LINGO2: variants seen among roughly 807,000 people sequenced by gnomAD.
LINGO2 encodes leucine-rich repeat and immunoglobulin-like domain-containing nogo receptor-interacting protein 2.
Under a neutral mutation model 30.6 loss-of-function variants are expected in LINGO2, and 14 were observed. The observed-to-expected ratio is 0.46, with a 90% CI of 0.30 to 0.72. LINGO2 has a LOEUF of 0.72. Ranked by LOEUF, LINGO2 falls within the 30% of genes least tolerant of loss-of-function variation. LINGO2 has a pLI of 0.07. For missense variants in LINGO2, 729 were observed against 751.7 expected (o/e 0.97, Z 0.35); for synonymous variants, 317 against 288.5 (o/e 1.10, Z -1.00).
intron 4 of LINGO2, among the ~76,000 whole-genome samples, chr9:28,242,946 C>T (rs1038338552): frequency 1.3e-5 from 2 of 152,118 alleles, no homozygotes; most frequent in Non-Finnish European, 2.9e-5. Flanking sequence ...CATTACCAGG[C>T]CTGCCTTGCA....
At chr9:28,122,421 C>G (rs948796234) in intron 4 of LINGO2, among the ~76,000 whole-genome samples, 6 of 152,110 alleles carry the variant, frequency 3.9e-5, no homozygotes, top group African/African-American at 1.4e-4. Flanking sequence ...AATGAAAAAT[C>G]TTATTGAAAC....
chr9:28,563,862 A>G (rs1325690773), intron 1 of LINGO2, among the ~76,000 whole-genome samples: 1 of 152,114 alleles, frequency 6.6e-6, no homozygotes, highest in East Asian at 1.9e-4. Context: ...TTCTGGTCCA[A>G]TCTGTGGTAT....
chr9:28,535,726 GCACA>G (rs35045943), intron 1 of LINGO2, among the ~76,000 whole-genome samples: 25,678 of 149,880 alleles, frequency 0.17, 2,790 homozygotes, highest in Admixed American at 0.3. Flanking sequence ...ACGTGTGGAC[GCACA>G]CACACACACA....
intron 3 of LINGO2, among the ~76,000 whole-genome samples, chr9:28,348,214 T>C: frequency 6.6e-6 from 1 of 152,104 alleles, no homozygotes; most frequent in Admixed American, 6.6e-5. Flanking sequence ...GACGGGTGAT[T>C]TCTGCATTTC....
the LINGO2 span, among the ~76,000 whole-genome samples, chr9:28,769,556 C>A: frequency 1.1e-5 from 1 of 94,416 alleles, no homozygotes; most frequent in East Asian, 3.0e-4. Flanking sequence ...ACCTGAATGT[C>A]CTCCAGTTTT....
chr9:28,571,522 T>C (rs575109334), intron 1 of LINGO2, among the ~76,000 whole-genome samples: 6 of 152,128 alleles, frequency 3.9e-5, no homozygotes, highest in East Asian at 3.9e-4. Flanking sequence ...TCCTGTAAAA[T>C]AGGAATTATC....
chr9:28,877,071 G>A, the LINGO2 span, among the ~76,000 whole-genome samples: 2 of 150,434 alleles, frequency 1.3e-5, no homozygotes, highest in East Asian at 1.9e-4. Context: ...GTCTGTTCAT[G>A]TCCTTCACCC....
At chr9:28,877,974 T>C in the LINGO2 span, among the ~76,000 whole-genome samples, 1 of 152,148 alleles carries the variant, frequency 6.6e-6, no homozygotes, top group Non-Finnish European at 1.5e-5. Flanking sequence ...TCACGTCCCT[T>C]GAAAGTTGGA....
the LINGO2 span, among the ~76,000 whole-genome samples, chr9:29,025,254 G>T: frequency 6.6e-6 from 1 of 151,988 alleles, no homozygotes; most frequent in Non-Finnish European, 1.5e-5. Flanking sequence ...ACACTGCAAA[G>T]TATCACATCT....
At chr9:28,382,673 T>C (rs879913868) in intron 2 of LINGO2, among the ~76,000 whole-genome samples, 3 of 152,100 alleles carry the variant, frequency 2.0e-5, no homozygotes, top group Admixed American at 2.0e-4. Flanking sequence ...TACATTTCAA[T>C]AAAAAACACT....
At chr9:28,539,377 CATT>C (rs1449455488) in intron 1 of LINGO2, among the ~76,000 whole-genome samples, 1 of 151,974 alleles carries the variant, frequency 6.6e-6, no homozygotes, top group African/African-American at 2.4e-5. Flanking sequence ...TAAAAGAAAA[CATT>C]AGCAGTGAGT....
rs1340131175 is a variant in LINGO2, at chr9:28,329,549, T to C, written c.-245-34183A>G. On this transcript the variant is annotated intron_variant, in intron 3 of 5. Transcript: ENST00000379992. The surrounding 1 kb of genome is among the most constrained non-coding windows in gnomAD (Gnocchi z 4.5). Reference sequence around the variant, plus strand: ...GGTACAACATGCATGTTCAGACTTGTTTGAGCCAGGGCTTCGGTTCAAGCC... The same window carrying C: ...GGTACAACATGCATGTTCAGACTTGCTTGAGCCAGGGCTTCGGTTCAAGCC... Among the ~76,000 whole-genome samples, 4 of 152,106 alleles carry C rather than the reference T, an allele frequency of 2.6e-5. No individual in the cohort carries two copies. The highest frequency in any genetic ancestry group is 5.9e-5 in the Non-Finnish European group (4 of 68,016).
chr9:29,098,501 A>G, the LINGO2 span, among the ~76,000 whole-genome samples: 286 of 151,902 alleles, frequency 1.9e-3, no homozygotes, highest in African/African-American at 4.1e-3. Flanking sequence ...ACACACATCA[A>G]TGAGGGGTAT....
chr9:28,049,356 G>A (rs1356947379), intron 4 of LINGO2, among the ~76,000 whole-genome samples: 1 of 150,788 alleles, frequency 6.6e-6, no homozygotes, highest in Non-Finnish European at 1.5e-5. Context: ...CTAGGGTTAG[G>A]CTATTTTAGA....
chr9:28,830,963 C>T, the LINGO2 span, among the ~76,000 whole-genome samples: 2 of 152,320 alleles, frequency 1.3e-5, no homozygotes, highest in East Asian at 3.9e-4. Context: ...CAGCCCTGGG[C>T]TAACATGAGA....
At chr9:29,002,547 G>A in the LINGO2 span, among the ~76,000 whole-genome samples, 1 of 152,034 alleles carries the variant, frequency 6.6e-6, no homozygotes, top group Non-Finnish European at 1.5e-5. Flanking sequence ...GCCAAAGCTT[G>A]GAAGATATAG....
chr9:28,265,918 T>C (rs183328557), intron 4 of LINGO2, among the ~76,000 whole-genome samples: 24 of 152,086 alleles, frequency 1.6e-4, no homozygotes, highest in Non-Finnish European at 3.1e-4. Context: ...CTGCTCCTTA[T>C]ACCCTGTCAC....
At chr9:27,996,616 AGAG>A (rs1473360270) in intron 5 of LINGO2, among the ~76,000 whole-genome samples, 2 of 152,310 alleles carry the variant, frequency 1.3e-5, no homozygotes, top group Non-Finnish European at 2.9e-5. Context: ...GGTAGTGGGA[AGAG>A]GAGATTTAAA....
intron 3 of LINGO2, among the ~76,000 whole-genome samples, chr9:28,321,393 G>GA (rs1211583125): frequency 1.3e-5 from 2 of 152,102 alleles, no homozygotes; most frequent in Non-Finnish European, 2.9e-5. Flanking sequence ...TAAAAGACAT[G>GA]CAAAAGCCAG....
Sources: gnomAD v4.1 joint callset for allele counts (sites outside exome capture counted in the v4.1 genomes callset) on GRCh38, gnomAD v4.1.1 for gene constraint, Gnocchi (gnomAD v3.1) non-coding constraint, MANE v1.5 for transcripts, NCBI Gene and HGNC (gene_info 2026-07-23, HGNC 2026-07-21) for gene names.